Variants in C13orf46 observed in about 807,000 individuals in gnomAD.
C13orf46 encodes uncharacterized protein C13orf46.
intron 1 of C13orf46, among the ~76,000 whole-genome samples, chr13:113,973,576 C>T (rs1193332345): frequency 1.3e-5 from 2 of 152,196 alleles, no homozygotes; most frequent in Non-Finnish European, 1.5e-5. Context: ...GACGTACCCC[C>T]TCACAGGTGC....
intron 4 of C13orf46, among the ~76,000 whole-genome samples, chr13:113,967,753 C>G (rs1045415687): frequency 5.9e-5 from 9 of 152,190 alleles, no homozygotes; most frequent in African/African-American, 2.2e-4. Flanking sequence ...CTTGGGGAGC[C>G]GGGCTGCTCC....
chr13:113,927,376 T>C, the C13orf46 span: 1 of 394,936 alleles, frequency 2.5e-6, no homozygotes. Context: ...CTGGGGCTGC[T>C]CTGGACGGCC....
chr13:113,934,820 C>T, the C13orf46 span, among the ~76,000 whole-genome samples: 1 of 152,228 alleles, frequency 6.6e-6, no homozygotes, highest in Non-Finnish European at 1.5e-5. Context: ...CTCTAACGGG[C>T]CCCACTTGGT....
chr13:113,972,850 T>C (rs1444259933), intron 1 of C13orf46, among the ~76,000 whole-genome samples: 2 of 152,104 alleles, frequency 1.3e-5, no homozygotes, highest in Non-Finnish European at 2.9e-5. Context: ...CGGAGGCCCA[T>C]GAGGGTCCCA....
the C13orf46 span, chr13:113,928,771 G>A: frequency 2.0e-5 from 3 of 152,524 alleles, no homozygotes; most frequent in African/African-American, 7.2e-5. Context: ...CTCCCGGGAA[G>A]GTCTGTTTCT....
chr13:113,927,893 A>C, the C13orf46 span: 16 of 331,804 alleles, frequency 4.8e-5, no homozygotes, highest in Non-Finnish European at 7.1e-5. Flanking sequence ...TCTTGGAAAC[A>C]TGTGCATGTG....
chr13:113,958,695 C>T lies in C13orf46; in HGVS notation c.573-1856G>A, dbSNP rs1048691618. Among the ~76,000 whole-genome samples, 97 of 152,356 alleles carry T rather than the reference C, an allele frequency of 6.4e-4. 2 individuals are homozygous for T. Among genetic ancestry groups the T allele is most frequent in the African/African-American group, 2.3e-3 (95 of 41,584 alleles). ...TGCACAGTCCTCACTAAGACTTCCA[C>T]GTAAAACAAACTCTTGAAAAGCTTT... is the stretch of plus-strand genomic sequence containing the variant. On this transcript the variant is annotated intron_variant, in intron 6 of 6. Transcript: ENST00000636427.
chr13:113,942,223 C>A, the C13orf46 span, among the ~76,000 whole-genome samples: 5 of 152,206 alleles, frequency 3.3e-5, no homozygotes, highest in Non-Finnish European at 7.3e-5. Flanking sequence ...CTGCTGCTGT[C>A]GCCACTGGCC....
intron 5 of C13orf46, among the ~76,000 whole-genome samples, chr13:113,965,839 GTGA>G (rs1308360080): frequency 7.3e-6 from 1 of 136,930 alleles, no homozygotes. Context: ...AATGGTGATG[GTGA>G]TGATGGTGAT....
chr13:113,960,307 G>C (rs1438540467), intron 6 of C13orf46, among the ~76,000 whole-genome samples: 2 of 152,148 alleles, frequency 1.3e-5, no homozygotes, highest in African/African-American at 4.8e-5. Context: ...CAAAACTAAA[G>C]ATTGGTCCCC....
At chr13:113,930,357 T>C in the C13orf46 span, among the ~76,000 whole-genome samples, 927 of 83,434 alleles carry the variant, frequency 0.011, 7 homozygotes, top group African/African-American at 0.016. Context: ...AGCACCGAGG[T>C]GGGGGCGCAG....
At chr13:113,965,903 T>C in intron 5 of C13orf46, among the ~76,000 whole-genome samples, 1 of 146,318 alleles carries the variant, frequency 6.8e-6, no homozygotes, top group Middle Eastern at 3.5e-3. Context: ...ATGGTGATGA[T>C]GGCGATGGTG....
downstream of C13orf46, among the ~76,000 whole-genome samples, chr13:113,952,876 T>C (rs1352596741): frequency 6.6e-6 from 1 of 152,326 alleles, no homozygotes; most frequent in Middle Eastern, 3.4e-3. Context: ...ACGCTCATGC[T>C]GGGCGGGGCG....
intron 6 of C13orf46, among the ~76,000 whole-genome samples, chr13:113,957,595 G>A (rs2052549070): frequency 9.9e-6 from 1 of 101,344 alleles, no homozygotes; most frequent in Non-Finnish European, 1.9e-5. Context: ...CCTGCACTCT[G>A]CCTGCACCCC....
intron 6 of C13orf46, among the ~76,000 whole-genome samples, chr13:113,958,162 T>A (rs2052557556): frequency 1.5e-5 from 2 of 135,202 alleles, no homozygotes; most frequent in African/African-American, 5.8e-5. Context: ...CACTGGGGGG[T>A]CTCCCCTGCA....
the C13orf46 span, among the ~76,000 whole-genome samples, chr13:113,945,617 A>AAAGAAAG: frequency 4.5e-4 from 49 of 109,734 alleles, no homozygotes; most frequent in African/African-American, 1.5e-3. Flanking sequence ...AGAAAGAAAG[A>AAAGAAAG]AAGAAAGAAA....
Position 113,962,270 on chromosome 13 carries a change from G to C in C13orf46, c.572+2657C>G, listed in dbSNP as rs962205005. Among the ~76,000 whole-genome samples the C allele has an allele frequency of 2.5e-3, 374 of 152,286 alleles. 4 individuals are homozygous for C. Among genetic ancestry groups the C allele is most frequent in the African/African-American group, 8.3e-3 (345 of 41,554 alleles). On this transcript the variant is annotated intron_variant, in intron 6 of 6. Transcript: ENST00000636427. ...TACAAAAAAAATCTAGCTGGGCGTG[G>C]TGGTGGGCGCCTGTAGTCCCAGCTA...
the C13orf46 span, chr13:113,926,827 A>G: frequency 6.6e-6 from 1 of 152,244 alleles, no homozygotes; most frequent in African/African-American, 2.4e-5. Flanking sequence ...GCAGTGTCAC[A>G]TTACTGAGAC....
chr13:113,951,131 A>G (rs2052487158), downstream of C13orf46, among the ~76,000 whole-genome samples: 1 of 152,146 alleles, frequency 6.6e-6, no homozygotes. Context: ...CCCAGCCTCT[A>G]TGAGGTGATC....
Sources: allele counts gnomAD v4.1 joint callset (sites outside exome capture counted in the v4.1 genomes callset), GRCh38; gene constraint gnomAD v4.1.1; transcripts MANE v1.5; gene names NCBI Gene and HGNC (gene_info 2026-07-23, HGNC 2026-07-21).